TBCA: variants seen among roughly 807,000 people sequenced by gnomAD.
TBCA encodes the protein tubulin-specific chaperone A.
A neutral mutation model predicts 15.8 loss-of-function variants in TBCA; 6 were observed. The observed-to-expected ratio is 0.38, with a 90% CI of 0.21 to 0.75. TBCA has a LOEUF of 0.75. Among genes scored for constraint, TBCA ranks in the 30% least tolerant of loss-of-function variants. TBCA has a pLI of 0.46. For missense variants in TBCA, 90 were observed against 131.2 expected, an observed-to-expected ratio of 0.69 and a Z score of 1.53; for synonymous variants, 32 against 42.3, an observed-to-expected ratio of 0.76 and a Z score of 0.94.
rs147924971 is a variant in TBCA at position 77,698,912 on chromosome 5, C to T, written c.160-5560G>A. ...ATAATCCTAGAACTAATAAGTTCAG[C>T]AAGGTGAGTTTGCAGGTTACAAGAT... On this transcript the variant is annotated intron_variant, in intron 2 of 3. Coordinates refer to ENST00000380377, the MANE Select transcript of TBCA (RefSeq NM_004607.3). Among the ~76,000 whole-genome samples, 1,191 of 151,390 alleles carry T rather than the reference C, an allele frequency of 7.9e-3. 19 individuals carry two copies. Among genetic ancestry groups the T allele is most frequent in the African/African-American group, 0.027 (1,111 of 41,274 alleles).
intron 1 of TBCA, among the ~76,000 whole-genome samples, chr5:77,747,480 G>A (rs1747213920): frequency 6.6e-6 from 1 of 152,102 alleles, no homozygotes; most frequent in South Asian, 2.1e-4. Context: ...AATGCACTGT[G>A]CTATAAGAAT....
At chr5:77,702,465 T>A (rs768578335) in intron 2 of TBCA, among the ~76,000 whole-genome samples, 3 of 152,214 alleles carry the variant, frequency 2.0e-5, no homozygotes, top group Non-Finnish European at 4.4e-5. Context: ...TTATGTGACA[T>A]TCTTGAGGCA....
At chr5:77,756,640 A>C (rs927444287) in intron 1 of TBCA, among the ~76,000 whole-genome samples, 12 of 152,134 alleles carry the variant, frequency 7.9e-5, no homozygotes, top group African/African-American at 2.7e-4. Flanking sequence ...AAAAAAAAAA[A>C]AAAACAGCTA....
At chr5:77,694,468 AT>A (rs1456416532) in intron 2 of TBCA, among the ~76,000 whole-genome samples, 1 of 152,196 alleles carries the variant, frequency 6.6e-6, no homozygotes, top group Non-Finnish European at 1.5e-5. Context: ...AAGAAAAAAA[AT>A]CAAATCAATG....
intron 1 of TBCA, among the ~76,000 whole-genome samples, chr5:77,724,647 A>T (rs1181591564): frequency 6.6e-6 from 1 of 152,058 alleles, no homozygotes; most frequent in Non-Finnish European, 1.5e-5. Context: ...AGTTCCCTTA[A>T]CTCCCTTACC....
chr5:77,734,782 C>T (rs1421092911), intron 1 of TBCA, among the ~76,000 whole-genome samples: 3 of 152,138 alleles, frequency 2.0e-5, no homozygotes, highest in Middle Eastern at 3.2e-3. Context: ...ACAGACAAAT[C>T]GTTCATGAAA....
chr5:77,766,131 AAATAAT>A (rs747222480), intron 1 of TBCA, among the ~76,000 whole-genome samples: 1 of 151,648 alleles, frequency 6.6e-6, no homozygotes, highest in African/African-American at 2.4e-5. Flanking sequence ...TTAAGTTGCA[AAATAAT>A]AATAATAATA....
intron 1 of TBCA, chr5:77,715,395 G>T (rs537696955): frequency 1.6e-6 from 1 of 637,104 alleles, no homozygotes; most frequent in Non-Finnish European, 2.8e-6. Context: ...GGATCTTAGT[G>T]TGAGCTCTTA....
chr5:77,736,470 A>G (rs1456099700), intron 1 of TBCA, among the ~76,000 whole-genome samples: 1 of 152,200 alleles, frequency 6.6e-6, no homozygotes, highest in Non-Finnish European at 1.5e-5. Flanking sequence ...AATCAAACAG[A>G]AACAATGCTT....
At chr5:77,714,576 T>TTATTA (rs1288721284) in intron 1 of TBCA, among the ~76,000 whole-genome samples, 2 of 77,196 alleles carry the variant, frequency 2.6e-5, no homozygotes, top group East Asian at 2.6e-4. Flanking sequence ...ATTATTATTA[T>TTATTA]TTTTTTTTGA....
intron 1 of TBCA, among the ~76,000 whole-genome samples, chr5:77,714,227 G>A (rs1266381036): frequency 2.0e-5 from 3 of 152,054 alleles, no homozygotes; most frequent in Non-Finnish European, 4.4e-5. Context: ...GGCTGAGCCA[G>A]GAGAATCGCT....
intron 1 of TBCA, among the ~76,000 whole-genome samples, chr5:77,732,550 C>CAAA (rs35780694): frequency 9.6e-4 from 86 of 89,486 alleles, no homozygotes; most frequent in African/African-American, 3.4e-3. Flanking sequence ...GACTCTGTCT[C>CAAA]AAAAAAAAAA....
intron 1 of TBCA, among the ~76,000 whole-genome samples, chr5:77,761,331 T>C (rs1377515675): frequency 1.3e-5 from 2 of 152,192 alleles, no homozygotes; most frequent in Non-Finnish European, 1.5e-5. Flanking sequence ...ATCTATAACC[T>C]TACCCCCAAC....
At chr5:77,721,526 A>C (rs1746527955) in intron 1 of TBCA, among the ~76,000 whole-genome samples, 1 of 131,572 alleles carries the variant, frequency 7.6e-6, no homozygotes. Context: ...ATTTTCACAC[A>C]ATAATCCTAT....
At position 77,739,376 on chromosome 5, in the gene TBCA, G is replaced by A. The variant is rs558632175; in HGVS notation, c.54-31029C>T. ...CTCAGGAGGCTGAGGCACGAGCGTC[G>A]CTTGAACCTAGGAAGCAGAGGTTGT... On this transcript the variant is annotated intron_variant, in intron 1 of 3. Transcript: ENST00000380377. Among the ~76,000 whole-genome samples, 19 of 152,236 alleles carry A rather than the reference G, an allele frequency of 1.2e-4. No homozygotes were observed. The South Asian group carries it at 1.5e-3, about 12-fold the overall frequency.
intron 1 of TBCA, among the ~76,000 whole-genome samples, chr5:77,710,790 C>T (rs1473211925): frequency 6.6e-6 from 1 of 152,142 alleles, no homozygotes; most frequent in African/African-American, 2.4e-5. Context: ...AGTTTGGGAC[C>T]TGTGTGCATA....
intron 1 of TBCA, among the ~76,000 whole-genome samples, chr5:77,768,724 G>A (rs1417003889): frequency 6.6e-6 from 1 of 152,082 alleles, no homozygotes; most frequent in Admixed American, 6.5e-5. Flanking sequence ...TTAGACCTAT[G>A]ACAAGTTATT....
intron 1 of TBCA, among the ~76,000 whole-genome samples, chr5:77,758,337 T>C (rs1747525512): frequency 6.6e-6 from 1 of 152,204 alleles, no homozygotes; most frequent in Non-Finnish European, 1.5e-5. Context: ...AACCTGATGT[T>C]ATCCATGGAT....
chr5:77,760,450 T>C (rs1747590120), intron 1 of TBCA, among the ~76,000 whole-genome samples: 1 of 152,006 alleles, frequency 6.6e-6, no homozygotes. Flanking sequence ...CTTTCGACAG[T>C]CTCCCTCTGT....
Sources: allele counts gnomAD v4.1 joint callset (sites outside exome capture counted in the v4.1 genomes callset), GRCh38; gene constraint gnomAD v4.1.1; transcripts MANE v1.5; gene names NCBI Gene and HGNC (gene_info 2026-07-23, HGNC 2026-07-21).